RBM25: variants seen among roughly 807,000 people sequenced by gnomAD.
RBM25 encodes the protein RNA binding motif protein 25.
RBM25 carries 19 observed loss-of-function variants against 120.7 expected under a neutral mutation model. The ratio of observed to expected loss-of-function variants is 0.16; its 90% CI spans 0.11 to 0.23. The LOEUF (loss-of-function observed/expected upper bound fraction) is 0.23. Ranked by LOEUF, RBM25 falls within the 10% of genes least tolerant of loss-of-function variation. The pLI is 1.00. For synonymous variants in RBM25, 390 were observed against 326.7 expected (o/e 1.19, Z -2.09); for missense variants, 605 against 1,041.5 (o/e 0.58, Z 5.77).
At chr14:73,115,086 A>G (rs145971804) in intron 18 of RBM25, among the ~76,000 whole-genome samples, 1 of 152,226 alleles carries the variant, frequency 6.6e-6, no homozygotes, top group Non-Finnish European at 1.5e-5. Context: ...GGTAGAGGAG[A>G]TAGAACATCT....
At position 73,070,528 on chromosome 14, in the gene RBM25, CAGG is replaced by C. The variant is rs763806384; in HGVS notation, c.-15-1096_-15-1094del. Among the ~76,000 whole-genome samples, 12 of 151,994 alleles carry C rather than the reference CAGG, an allele frequency of 7.9e-5. No individual in the cohort carries two copies. In the East Asian group the frequency reaches 2.1e-3, roughly 27 times the overall value. On this transcript the variant is annotated intron_variant, in intron 1 of 18. Coordinates refer to ENST00000261973, the MANE Select transcript of RBM25 (RefSeq NM_021239.3). ...GAATGGTTACTATCTGACTGGAAGT[CAGG>C]AGTTTATTTCCCCCTGCTGAGATGT...
chr14:73,106,370 T>A, intron 12 of RBM25, 85 bp downstream of exon 12: 1 of 1,068,188 alleles, frequency 9.4e-7, no homozygotes, highest in Non-Finnish European at 1.3e-6. Context: ...ACTTAATAAT[T>A]GAAATGCACA....
chr14:73,118,052 G>A (rs554903761), intron 18 of RBM25, among the ~76,000 whole-genome samples: 4 of 152,324 alleles, frequency 2.6e-5, no homozygotes, highest in Non-Finnish European at 4.4e-5. Flanking sequence ...TTGTTACTCA[G>A]TAGTCATGTG....
chr14:73,068,409 T>A lies in RBM25; in HGVS notation c.-15-3218T>A. ...TTGATTTTTTTTTTTTTTTTTTGGT[T>A]CATTTACAGGATCTGAGACTTATTC... On this transcript the variant is annotated intron_variant, in intron 1 of 18. Transcript: ENST00000261973. The A allele has an allele frequency of 3.1e-6, 2 of 639,494 alleles. 1 individual carries two copies. Among genetic ancestry groups the A allele is most frequent in the South Asian group, 3.2e-5 (2 of 63,056 alleles). The allele number at this position is 639,494 out of a possible 1,614,324, so 39.6% of individuals were successfully genotyped here.
At chr14:73,092,326 A>G (rs2140444754) in intron 6 of RBM25, among the ~76,000 whole-genome samples, 1 of 152,182 alleles carries the variant, frequency 6.6e-6, no homozygotes, top group Middle Eastern at 3.4e-3. Context: ...TTTTCAGTAT[A>G]AAAATATGAC....
rs192530439 is a variant in RBM25 at position 73,111,165 on chromosome 14, C to T, written c.2017+10C>T. On this transcript the variant is annotated intron_variant, in intron 15 of 18. Coordinates refer to ENST00000261973, the MANE Select transcript of RBM25 (RefSeq NM_021239.3). ...CTAAGTCTTAAACTGGGTACGTTAG[C>T]ATTTCCTTCCTTCTTTATTTTCTTC... is the stretch of plus-strand genomic sequence containing the variant. 3 of 1,575,264 alleles carry T rather than the reference C, an allele frequency of 1.9e-6. No individual in the cohort carries two copies. In the Admixed American group the frequency reaches 5.1e-5, roughly 27 times the overall value.
At chr14:73,069,218 G>A (rs1016614032) in intron 1 of RBM25, among the ~76,000 whole-genome samples, 1 of 152,114 alleles carries the variant, frequency 6.6e-6, no homozygotes, top group Non-Finnish European at 1.5e-5. Flanking sequence ...TAAAACTTTT[G>A]TGAACTGACA....
intron 18 of RBM25, among the ~76,000 whole-genome samples, chr14:73,119,380 C>T (rs1896499860): frequency 6.6e-6 from 1 of 152,128 alleles, no homozygotes; most frequent in South Asian, 2.1e-4. Flanking sequence ...ATTCTCCTGC[C>T]TCAGCCTCCC....
chr14:73,098,212 C>T (rs189038500), intron 7 of RBM25, among the ~76,000 whole-genome samples: 1 of 152,328 alleles, frequency 6.6e-6, no homozygotes, highest in East Asian at 1.9e-4. Context: ...TCACTGCAGC[C>T]TTGAATACCC....
At chr14:73,087,461 T>C (rs982923632) in intron 5 of RBM25, among the ~76,000 whole-genome samples, 18 of 151,830 alleles carry the variant, frequency 1.2e-4, no homozygotes, top group Non-Finnish European at 2.7e-4. Context: ...AGTGGCGCTA[T>C]CTCGGCTCAC....
chr14:73,077,668 T>C (rs1446366564), intron 4 of RBM25, 132 bp downstream of exon 4: 5 of 754,542 alleles, frequency 6.6e-6, no homozygotes, highest in Non-Finnish European at 8.3e-6. Flanking sequence ...GGTGAAAAAG[T>C]ACAGTGAACA....
rs142510587 is a variant in RBM25 at position 73,105,255 on chromosome 14, G to A, written c.1155-604G>A. 1.5e-3 allele frequency among the ~76,000 whole-genome samples: 224 copies of A among 151,240 alleles called. No individual in the cohort carries two copies. In the Middle Eastern group the frequency reaches 0.017, roughly 11 times the overall value. On this transcript the variant is annotated intron_variant, in intron 10 of 18. Transcript: ENST00000261973. Reference sequence around the variant, plus strand: ...CTGGAGTAGGCAGGACTACAGGCACGTGCCACCATGCCTCCTGGCCTCAAG... The same window carrying A: ...CTGGAGTAGGCAGGACTACAGGCACATGCCACCATGCCTCCTGGCCTCAAG...
rs73303096 is a variant in RBM25 at position 73,112,826 on chromosome 14, C to T, written c.2391+576C>T. On this transcript the variant is annotated intron_variant, in intron 17 of 18. Coordinates refer to ENST00000261973, the MANE Select transcript of RBM25 (RefSeq NM_021239.3). ...TTTGTTTTTGTTTTTTCTTTTGAGT[C>T]GGAGTTTTGCTTTGTCCTACAGGCT... Among the ~76,000 whole-genome samples the T allele has an allele frequency of 3.6e-3, 551 of 151,598 alleles. 3 individuals are homozygous for T. Among genetic ancestry groups the T allele is most frequent in the African/African-American group, 0.012 (509 of 41,316 alleles).
chr14:73,066,929 G>A (rs1895150106), intron 1 of RBM25, among the ~76,000 whole-genome samples: 1 of 152,150 alleles, frequency 6.6e-6, no homozygotes, highest in African/African-American at 2.4e-5. Context: ...TTATGAAATT[G>A]TGAGAATTTT....
In RBM25 at chr14:73,061,905, C is replaced by T. The variant is rs1431733252; in HGVS notation, c.-16+3200C>T. 7.3e-5 allele frequency among the ~76,000 whole-genome samples: 11 copies of T among 151,338 alleles called. 1 individual carries two copies. The highest frequency in any genetic ancestry group is 7.3e-4 in the Admixed American group (11 of 15,140). On this transcript the variant is annotated intron_variant, in intron 1 of 18. Transcript: ENST00000261973. ...AAAAAGATGAATTCTTCCTGTGTTG[C>T]TCAGGCTGGAGTGCAGTGGCTATTC...
At chr14:73,101,410 CTT>C (rs1440890506) in intron 9 of RBM25, 1 of 152,048 alleles carries the variant, frequency 6.6e-6, no homozygotes, top group Admixed American at 6.6e-5. Flanking sequence ...CTCTTCATGA[CTT>C]TCTTACATAA....
At chr14:73,111,311 T>A in intron 15 of RBM25, 156 bp downstream of exon 15, 1 of 830,744 alleles carries the variant, frequency 1.2e-6, no homozygotes, top group Non-Finnish European at 1.8e-6. Flanking sequence ...TTTCATAGTT[T>A]TACTAGTGCT....
chr14:73,079,996 G>C (rs1428130746), intron 4 of RBM25, among the ~76,000 whole-genome samples: 1 of 150,124 alleles, frequency 6.7e-6, no homozygotes, highest in East Asian at 1.9e-4. Flanking sequence ...AAATGTGTTT[G>C]CTCCTGTCTG....
At chr14:73,076,851 G>A (rs76559803) in intron 3 of RBM25, among the ~76,000 whole-genome samples, 2,448 of 152,250 alleles carry the variant, frequency 0.016, 47 homozygotes, top group East Asian at 0.049. Context: ...CAAGACATAG[G>A]CCAGGATCAC....
Sources: allele counts gnomAD v4.1 joint callset (sites outside exome capture counted in the v4.1 genomes callset), GRCh38; gene constraint gnomAD v4.1.1; transcripts MANE v1.5; gene names NCBI Gene and HGNC (gene_info 2026-07-23, HGNC 2026-07-21).